The following FBN3 variants were observed in gnomAD, a reference collection of about 807,000 sequenced individuals.
FBN3 encodes the protein fibrillin-3.
In FBN3, 234 loss-of-function variants were observed where a neutral mutation model predicts 330.1. The observed-to-expected ratio is 0.71, with a 90% CI of 0.64 to 0.79. The LOEUF is 0.79. FBN3 is among the 30% of genes least tolerant of loss of function. The pLI, the probability that FBN3 is intolerant of heterozygous loss-of-function variation, is 0.00. For synonymous variants in FBN3, 1,458 were observed against 1,517.3 expected, an observed-to-expected ratio of 0.96 and a Z score of 0.91; for missense variants, 3,606 against 3,886.9, an observed-to-expected ratio of 0.93 and a Z score of 1.92.
At chr19:8,105,951 G>C (rs1283367178) in intron 38 of FBN3, among the ~76,000 whole-genome samples, 157 bp downstream of exon 38, 1 of 152,200 alleles carries the variant, frequency 6.6e-6, no homozygotes, top group Non-Finnish European at 1.5e-5. Flanking sequence ...CTTAAAGGCA[G>C]CAAGAGAGAA....
chr19:8,129,375 G>A lies in FBN3; in HGVS notation c.2045-10C>T, dbSNP rs951034930. On this transcript the variant is annotated splice_polypyrimidine_tract_variant and intron_variant, in intron 16 of 63. Transcript: ENST00000600128. This position sits in a 1 kb window ranked among gnomAD's most constrained non-coding sequence, Gnocchi z 4.5. ...GCACACTCGTTGATGTCTGCGGCAG[G>A]AGGAGGGTGTGTCAGCAGCAGCAGA... The A allele has an allele frequency of 1.2e-6, 2 of 1,613,670 alleles. No homozygotes were observed. The highest frequency in any genetic ancestry group is 8.5e-7 in the Non-Finnish European group (1 of 1,179,784).
intron 8 of FBN3, among the ~76,000 whole-genome samples, chr19:8,139,048 C>T (rs1003074115): frequency 6.0e-5 from 9 of 150,578 alleles, no homozygotes; most frequent in Admixed American, 2.0e-4. Flanking sequence ...AGCGAGACTC[C>T]GTCTCAAAAA....
chr19:8,124,299 A>G (rs1255443091), intron 22 of FBN3, among the ~76,000 whole-genome samples: 1 of 152,210 alleles, frequency 6.6e-6, no homozygotes, highest in East Asian at 1.9e-4. Flanking sequence ...GCTGGAGTGC[A>G]GTGGCACAAT....
intron 47 of FBN3, among the ~76,000 whole-genome samples, chr19:8,092,653 T>C (rs1175559077): frequency 1.4e-5 from 2 of 139,136 alleles, no homozygotes; most frequent in African/African-American, 5.4e-5. Flanking sequence ...AGGTGGATAT[T>C]GCAGTGAGCT....
chr19:8,091,945 G>A (rs1268458229), intron 47 of FBN3, among the ~76,000 whole-genome samples: 1 of 152,178 alleles, frequency 6.6e-6, no homozygotes, highest in East Asian at 1.9e-4. Context: ...ACTTTGGGAG[G>A]TGGAGGCGGG....
At chr19:8,114,925 G>A (rs1165819578) in intron 30 of FBN3, among the ~76,000 whole-genome samples, 1 of 152,114 alleles carries the variant, frequency 6.6e-6, no homozygotes, top group African/African-American at 2.4e-5. Flanking sequence ...CTAGAATGCA[G>A]TGGTGCTATC....
At chr19:8,093,389 C>T (rs1477111555) in intron 47 of FBN3, among the ~76,000 whole-genome samples, 3 of 152,000 alleles carry the variant, frequency 2.0e-5, no homozygotes, top group Non-Finnish European at 4.4e-5. Context: ...TTTGGGAGGC[C>T]AAGGCGGGCA....
chr19:8,092,005 C>A (rs2082106749), intron 47 of FBN3, among the ~76,000 whole-genome samples: 1 of 151,724 alleles, frequency 6.6e-6, no homozygotes, highest in African/African-American at 2.4e-5. Flanking sequence ...CATGGTGAAA[C>A]CATCTACTAA....
chr19:8,115,491 C>T, intron 30 of FBN3, 24 bp downstream of exon 30: 1 of 1,612,292 alleles, frequency 6.2e-7, no homozygotes, highest in Non-Finnish European at 8.5e-7. Context: ...TCCCCTCTGC[C>T]TGCACCGCTG....
rs574452336 is a variant in FBN3 at position 8,109,176 on chromosome 19, C to T, written c.4618+51G>A. The T allele has an allele frequency of 1.0e-4, 164 of 1,573,930 alleles. 1 individual carries two copies. The East Asian group carries it at 3.1e-3, about 30-fold the overall frequency. ...TAGCAGAGGTGACCCCCTAAGCTCC[C>T]GGGCCTCGGTGGCTTAGGTCACGGT... On this transcript the variant is annotated intron_variant, in intron 36 of 63. Coordinates refer to ENST00000600128, the MANE Select transcript of FBN3 (RefSeq NM_032447.5). This position sits in a 1 kb window ranked among gnomAD's most constrained non-coding sequence, Gnocchi z 5.2.
rs1254040743 is a variant in FBN3 at position 8,105,521 on chromosome 19, G to A, written c.4813+587C>T. 2.0e-5 allele frequency among the ~76,000 whole-genome samples: 3 copies of A among 152,162 alleles called. No individual in the cohort carries two copies. In the East Asian group the frequency reaches 5.8e-4, roughly 29 times the overall value. Reference sequence around the variant, plus strand: ...AATCCTCCCACTTCAGCCTCCCAAAGTACTGGGATTACCAGCTTGAGCTGC... The same window carrying A: ...AATCCTCCCACTTCAGCCTCCCAAAATACTGGGATTACCAGCTTGAGCTGC... On this transcript the variant is annotated intron_variant, in intron 38 of 63. Transcript: ENST00000600128.
rs915034964 is a variant in FBN3 at position 8,149,172 on chromosome 19, G to A, written c.-18+277C>T. ...GCGGGGCGCGATCTCCACCCGGCAG[G>A]GCCCCCGGCCGCGACCACGCTTGGC... is the stretch of plus-strand genomic sequence containing the variant. On this transcript the variant is annotated intron_variant, in intron 1 of 63. Transcript: ENST00000600128. This position sits in a 1 kb window ranked among gnomAD's most constrained non-coding sequence, Gnocchi z 5.5. 3.3e-5 allele frequency among the ~76,000 whole-genome samples: 5 copies of A among 151,906 alleles called. No individual in the cohort carries two copies. Among genetic ancestry groups the A allele is most frequent in the Non-Finnish European group, 7.4e-5 (5 of 67,924 alleles).
At chr19:8,123,276 C>G (rs2082896073) in intron 24 of FBN3, among the ~76,000 whole-genome samples, 188 bp downstream of exon 24, 1 of 152,042 alleles carries the variant, frequency 6.6e-6, no homozygotes, top group Non-Finnish European at 1.5e-5. Context: ...GTCGCTTGAA[C>G]CTGGGAGGCG....
At chr19:8,111,255 C>T in intron 32 of FBN3, 72 bp from the exon 33 acceptor site, 1 of 1,504,836 alleles carries the variant, frequency 6.6e-7, no homozygotes, top group Non-Finnish European at 8.9e-7. Context: ...CAGGAGGCCC[C>T]AGTCACTGGA....
intron 10 of FBN3, 68 bp from the exon 11 acceptor site, chr19:8,136,599 C>T (rs1050028515): frequency 1.3e-6 from 2 of 1,595,018 alleles, no homozygotes; most frequent in African/African-American, 2.7e-5. Flanking sequence ...GCCTGGGCTT[C>T]ACCTCTCTAG....
intron 45 of FBN3, 122 bp from the exon 46 acceptor site, chr19:8,095,625 T>A: frequency 1.0e-6 from 1 of 1,003,462 alleles, no homozygotes; most frequent in Non-Finnish European, 1.5e-6. Flanking sequence ...AGCACTCATG[T>A]ATAGACTATG....
Position 8,109,221 on chromosome 19 carries a change from A to G in FBN3, c.4618+6T>C, listed in dbSNP as rs752058119. On this transcript the variant is annotated splice_donor_region_variant and intron_variant, in intron 36 of 63. Transcript: ENST00000600128. This position sits in a 1 kb window ranked among gnomAD's most constrained non-coding sequence, Gnocchi z 5.2. ...CACGGTGTTCAACTGCCCCGCAGGG[A>G]CTCACTGGTGTTGGCCATAGGGCAC... 5.0e-6 allele frequency: 8 copies of G among 1,613,690 alleles called. No individual in the cohort carries two copies. The highest frequency in any genetic ancestry group is 1.7e-6 in the Non-Finnish European group (2 of 1,179,856).
chr19:8,096,577 T>A lies in FBN3; in HGVS notation c.5414-8A>T. The A allele has an allele frequency of 6.2e-7, 1 of 1,606,772 alleles. No individual in the cohort carries two copies. The highest frequency in any genetic ancestry group is 2.2e-5 in the East Asian group (1 of 44,798). On this transcript the variant is annotated splice_region_variant and splice_polypyrimidine_tract_variant and intron_variant, in intron 43 of 63. Coordinates refer to ENST00000600128, the MANE Select transcript of FBN3 (RefSeq NM_032447.5). This position sits in a 1 kb window ranked among gnomAD's most constrained non-coding sequence, Gnocchi z 4.6. The stretch of plus-strand genomic sequence containing the variant: ...CCCGACACTCATTCCGTCCTGGGGG[T>A]GCAGAGAGCATGGTGTTCCCAGGGC...
chr19:8,102,684 AG>A, intron 40 of FBN3, 39 bp downstream of exon 40: 1 of 1,593,290 alleles, frequency 6.3e-7, no homozygotes, highest in Non-Finnish European at 8.6e-7. Flanking sequence ...TTATGCTAGG[AG>A]GGGCCAGGCT....
Sources: gnomAD v4.1 joint callset for allele counts (sites outside exome capture counted in the v4.1 genomes callset) on GRCh38, gnomAD v4.1.1 for gene constraint, Gnocchi (gnomAD v3.1) non-coding constraint, MANE v1.5 for transcripts, NCBI Gene and HGNC (gene_info 2026-07-23, HGNC 2026-07-21) for gene names.